The following PLCD4 variants were observed in gnomAD, a reference collection of about 807,000 sequenced individuals.
The protein encoded by PLCD4 is phospholipase C delta 4, also known as 1-phosphatidylinositol 4,5-bisphosphate phosphodiesterase delta-4.
Under a neutral mutation model 90.2 loss-of-function variants are expected in PLCD4, and 63 were observed. The observed-to-expected ratio is 0.70, with a 90% CI of 0.57 to 0.86. PLCD4 has a LOEUF of 0.86. Ranked by LOEUF, PLCD4 falls within the 40% of genes least tolerant of loss-of-function variation. The pLI is 0.00. For missense variants in PLCD4, 830 were observed against 956.3 expected (o/e 0.87, Z 1.74); for synonymous variants, 294 against 356.5 (o/e 0.82, Z 1.97).
intron 6 of PLCD4, among the ~76,000 whole-genome samples, chr2:218,626,380 C>T (rs780348531): frequency 4.6e-5 from 7 of 152,172 alleles, no homozygotes; most frequent in Non-Finnish European, 8.8e-5. Flanking sequence ...ACCTTCCAGG[C>T]GAGCCTCCTT....
intron 10 of PLCD4, chr2:218,633,115 A>G: frequency 2.3e-6 from 1 of 438,842 alleles, no homozygotes; most frequent in Non-Finnish European, 4.1e-6. Context: ...CAAAGATATT[A>G]CTCTGGGACT....
intron 13 of PLCD4, among the ~76,000 whole-genome samples, chr2:218,635,083 A>T (rs1696641533): frequency 6.6e-6 from 1 of 151,866 alleles, no homozygotes; most frequent in Non-Finnish European, 1.5e-5. Context: ...AAAATTTTGT[A>T]GAGACTCCCG....
intron 6 of PLCD4, among the ~76,000 whole-genome samples, chr2:218,625,530 CCTAA>C (rs935394364): frequency 1.3e-5 from 2 of 152,206 alleles, no homozygotes; most frequent in African/African-American, 4.8e-5. Context: ...AGTCACTTAA[CCTAA>C]CTAACTCAGT....
rs767397339 is a variant in PLCD4 at position 218,634,519 on chromosome 2, G to C, written c.1785G>C (p.Gln595His). Residue 595 changes from glutamine (Q) to histidine (H), a missense_variant, in exon 13 of 16, where the codon CAG (glutamine) becomes CAC (histidine). Gln to His is a conservative substitution (Grantham distance 24). Coordinates refer to ENST00000450993, the MANE Select transcript of PLCD4 (RefSeq NM_032726.4). The surrounding 1 kb of genome is among the most constrained non-coding windows in gnomAD (Gnocchi z 4.0). Reference protein sequence around the residue: ...EMDICDGHFRQNGGCGYVLKP... With the variant: ...EMDICDGHFRHNGGCGYVLKP... ...ACATCTGTGATGGGCATTTCCGCCA[G>C]AATGGCGGCTGTGGCTATGTGCTGA... The C allele has an allele frequency of 6.2e-7, 1 of 1,614,072 alleles. No individual in the cohort carries two copies. Among genetic ancestry groups the C allele is most frequent in the Non-Finnish European group, 8.5e-7 (1 of 1,179,894 alleles).
intron 1 of PLCD4, among the ~76,000 whole-genome samples, chr2:218,614,118 C>T (rs1370193559): frequency 6.6e-6 from 1 of 151,604 alleles, no homozygotes; most frequent in Non-Finnish European, 1.5e-5. Context: ...CTCCCAGGTT[C>T]ACACGACTCT....
rs201995919 is a variant in PLCD4 at position 218,628,075 on chromosome 2, C to T, written c.819C>T (p.Leu273=). The change falls in exon 7 of 16, where the codon CTC becomes CTT. Residue 273 remains leucine, a synonymous_variant. Transcript: ENST00000450993. ...GTATGGATGGCTTCCTCAGCTACCT[C>T]TGCTCTAAGGATGGAGACATCTTCA... is the stretch of plus-strand genomic sequence containing the variant. The part of the protein sequence containing the change: ...VLSMDGFLSY[L]CSKDGDIFNP... 4.0e-4 allele frequency: 647 copies of T among 1,613,926 alleles called. 1 individual carries two copies. Among genetic ancestry groups the T allele is most frequent in the Non-Finnish European group, 5.4e-4 (637 of 1,179,902 alleles).
chr2:218,613,156 C>T (rs958080894), intron 1 of PLCD4, among the ~76,000 whole-genome samples: 2 of 151,920 alleles, frequency 1.3e-5, no homozygotes, highest in African/African-American at 4.8e-5. Context: ...TTTGGGAGGT[C>T]GAGGCGGGTG....
chr2:218,637,172 C>A lies in PLCD4; in HGVS notation c.*595C>A. On this transcript the variant is annotated 3_prime_UTR_variant, in exon 16 of 16. Coordinates refer to ENST00000450993, the MANE Select transcript of PLCD4 (RefSeq NM_032726.4). ...CCCACTGGTATAAATACATCTCTCT[C>A]CAATTTGGCTTCAATATGGTCTGTC... The A allele has an allele frequency of 4.0e-6, 1 of 247,970 alleles. No individual in the cohort carries two copies. The highest frequency in any genetic ancestry group is 8.1e-6 in the Non-Finnish European group (1 of 123,710). 15.4% of individuals were successfully genotyped at this position (247,970 alleles called of 1,614,324 possible).
chr2:218,629,642 A>T lies in PLCD4; in HGVS notation c.1098A>T (p.Thr366=), dbSNP rs374753607. ...SRILFKDVVA[T]VAQYAFQTSD... ...TCCTGTTCAAAGATGTCGTGGCCAC[A>T]GTAGCACAGTATGCCTTCCAGGTAG... The change falls in exon 8 of 16, where the codon ACA becomes ACT. Residue 366 remains threonine (T), a synonymous_variant. Transcript: ENST00000450993. 19 of 1,613,658 alleles carry T rather than the reference A, an allele frequency of 1.2e-5. No individual in the cohort carries two copies. Among genetic ancestry groups the T allele is most frequent in the Non-Finnish European group, 1.5e-5 (18 of 1,179,780 alleles).
intron 14 of PLCD4, 50 bp from the exon 15 acceptor site, chr2:218,636,193 C>T (rs753081634): frequency 2.2e-5 from 35 of 1,573,936 alleles, no homozygotes; most frequent in Non-Finnish European, 2.9e-5. Flanking sequence ...GCAACCCAGT[C>T]AAGAAAACTG....
intron 1 of PLCD4, among the ~76,000 whole-genome samples, chr2:218,612,331 G>A (rs755036770): frequency 7.9e-5 from 12 of 152,168 alleles, no homozygotes; most frequent in African/African-American, 1.9e-4. Context: ...GGGTCCCTTC[G>A]TCCAACCAGA....
intron 7 of PLCD4, 183 bp downstream of exon 7, chr2:218,628,413 A>G (rs559709507): frequency 9.4e-5 from 53 of 566,244 alleles, no homozygotes; most frequent in African/African-American, 8.3e-4. Context: ...ATGAAACCCT[A>G]TGGGTCAATG....
chr2:218,617,785 GCCCTCAAACC>G (rs954703897), intron 3 of PLCD4, among the ~76,000 whole-genome samples: 1 of 151,770 alleles, frequency 6.6e-6, no homozygotes, highest in African/African-American at 2.4e-5. Context: ...GAAAGAGGAA[GCCCTCAAACC>G]TGGAATGGGG....
rs1055907592 is a variant in PLCD4, at chr2:218,608,688, G to A, written c.-34+618G>A. ...AGAGAGTTTAGGGTTTCCCAGACTTGCCTGTGTACCAAGTGTACTTGTTAA... is the reference window on the plus strand; with the variant it reads ...AGAGAGTTTAGGGTTTCCCAGACTTACCTGTGTACCAAGTGTACTTGTTAA... On this transcript the variant is annotated intron_variant, in intron 1 of 15. Coordinates refer to ENST00000450993, the MANE Select transcript of PLCD4 (RefSeq NM_032726.4). Among the ~76,000 whole-genome samples, 4 of 152,150 alleles carry A rather than the reference G, an allele frequency of 2.6e-5. No individual in the cohort carries two copies. In the East Asian group the frequency reaches 7.7e-4, roughly 29 times the overall value.
intron 1 of PLCD4, among the ~76,000 whole-genome samples, chr2:218,612,784 A>AG (rs1229983703): frequency 7.9e-5 from 12 of 152,252 alleles, no homozygotes; most frequent in African/African-American, 2.2e-4. Context: ...AACAAAAAAA[A>AG]AGAAAGTCTT....
At chr2:218,635,684 C>T (rs1256042643) in intron 13 of PLCD4, 112 bp from the exon 14 acceptor site, 8 of 1,372,452 alleles carry the variant, frequency 5.8e-6, no homozygotes, top group Non-Finnish European at 7.8e-6. Context: ...ATATATTACC[C>T]ATGGAGGATG....
intron 1 of PLCD4, chr2:218,609,717 G>A (rs1413790501): frequency 1.3e-5 from 2 of 152,228 alleles, no homozygotes; most frequent in Non-Finnish European, 2.9e-5. Flanking sequence ...TGGGCAGTTT[G>A]TTTGGTCAAT....
intron 4 of PLCD4, among the ~76,000 whole-genome samples, chr2:218,619,247 A>G (rs1383113375): frequency 4.7e-5 from 7 of 148,394 alleles, no homozygotes; most frequent in Admixed American, 2.8e-4. Flanking sequence ...ATCAGGCACT[A>G]TGCCAGACTA....
At position 218,618,747 on chromosome 2, in the gene PLCD4, G is replaced by A. The variant is rs374563424; in HGVS notation, c.350G>A (p.Arg117Gln). The A allele has an allele frequency of 6.9e-5, 111 of 1,610,094 alleles. No homozygotes were observed. The African/African-American group carries it at 1.3e-3, about 20-fold the overall frequency. Residue 117 changes from arginine to glutamine, a missense_variant, in exon 4 of 16, where the codon CGA becomes CAA. By Grantham distance (43) the Arg-to-Gln change is conservative. Transcript: ENST00000450993. ...GTTGAGGAGGCCCAGATATGGATGCGAGGGCTCCAGCTGTTGGTGGATCTT... is the reference window on the plus strand; with the variant it reads ...GTTGAGGAGGCCCAGATATGGATGCAAGGGCTCCAGCTGTTGGTGGATCTT... ...NSVEEAQIWM[R>Q]GLQLLVDLVT...
Sources: allele counts gnomAD v4.1 joint callset (sites outside exome capture counted in the v4.1 genomes callset), GRCh38; gene constraint gnomAD v4.1.1; non-coding constraint Gnocchi (gnomAD v3.1); transcripts MANE v1.5; gene names NCBI Gene and HGNC (gene_info 2026-07-23, HGNC 2026-07-21).